RAPGEF6: variants seen among roughly 807,000 people sequenced by gnomAD.
The protein encoded by RAPGEF6 is Rap guanine nucleotide exchange factor 6.
RAPGEF6 carries 56 observed loss-of-function variants against 171.4 expected under a neutral mutation model. The observed-to-expected ratio is 0.33, with a 90% CI of 0.26 to 0.41. The LOEUF is 0.41. Among genes scored for constraint, RAPGEF6 ranks in the 10% least tolerant of loss-of-function variants. The pLI is 1.00. For synonymous variants in RAPGEF6, 692 were observed against 650.1 expected (o/e 1.06, Z -0.98); for missense variants, 1,674 against 1,921.4 (o/e 0.87, Z 2.41).
intron 6 of RAPGEF6, among the ~76,000 whole-genome samples, chr5:131,540,970 G>C (rs1439210117): frequency 2.0e-5 from 3 of 152,192 alleles, no homozygotes; most frequent in Admixed American, 6.5e-5. Context: ...GACAGTGCAA[G>C]ACTCCGTCTC....
At chr5:131,535,226 C>G (rs1561543555) in intron 6 of RAPGEF6, among the ~76,000 whole-genome samples, 1 of 152,064 alleles carries the variant, frequency 6.6e-6, no homozygotes, top group Non-Finnish European at 1.5e-5. Context: ...GCTAAATCTC[C>G]CTGTGTAACA....
At chr5:131,608,543 G>A (rs1764743150) in intron 1 of RAPGEF6, among the ~76,000 whole-genome samples, 1 of 152,198 alleles carries the variant, frequency 6.6e-6, no homozygotes, top group South Asian at 2.1e-4. Context: ...CATGCCAAAG[G>A]ATAGCAGCTG....
At position 131,491,715 on chromosome 5, in the gene RAPGEF6, C is replaced by G. The variant is rs76059330; in HGVS notation, c.1731+867G>C. On this transcript the variant is annotated intron_variant, in intron 14 of 27. Coordinates refer to ENST00000509018, the MANE Select transcript of RAPGEF6 (RefSeq NM_016340.6). ...CTGCAAATGCAAGGGATCTAGGGCA[C>G]TCCTTATGAAAATTTAATGTCTGAA... is the stretch of plus-strand genomic sequence containing the variant. Among the ~76,000 whole-genome samples the G allele has an allele frequency of 1.1e-3, 165 of 152,224 alleles. No individual in the cohort carries two copies. The East Asian group carries it at 0.017, about 16-fold the overall frequency.
At chr5:131,454,162 T>C (rs750192453) in intron 20 of RAPGEF6, among the ~76,000 whole-genome samples, 4 of 152,220 alleles carry the variant, frequency 2.6e-5, no homozygotes, top group Non-Finnish European at 5.9e-5. Context: ...AAACCTCCAA[T>C]GCTTGGTTGA....
In RAPGEF6 at chr5:131,492,573, T is replaced by C; in HGVS notation, c.1731+9A>G. The stretch of plus-strand genomic sequence containing the variant: ...AGGCTTGAATATAAGTGGTTGGTTA[T>C]TTCCTTACCTGATCACCACGTTTCA... On this transcript the variant is annotated intron_variant, in intron 14 of 27. Transcript: ENST00000509018. The C allele has an allele frequency of 6.2e-7, 1 of 1,613,840 alleles. No individual in the cohort carries two copies. The highest frequency in any genetic ancestry group is 8.5e-7 in the Non-Finnish European group (1 of 1,179,704).
At chr5:131,469,785 T>A (rs1754619730) in intron 17 of RAPGEF6, 1 of 1,495,922 alleles carries the variant, frequency 6.7e-7, no homozygotes, top group East Asian at 2.5e-5. Context: ...AATACTACAG[T>A]CTTTAAGATA....
intron 24 of RAPGEF6, among the ~76,000 whole-genome samples, chr5:131,438,149 T>G (rs1004978315): frequency 1.3e-5 from 2 of 149,290 alleles, no homozygotes; most frequent in South Asian, 4.3e-4. Context: ...CCACTACCCC[T>G]GGCTAATTTT....
At chr5:131,444,310 T>G (rs865950187) in intron 22 of RAPGEF6, among the ~76,000 whole-genome samples, 1 of 152,212 alleles carries the variant, frequency 6.6e-6, no homozygotes, top group Admixed American at 6.5e-5. Flanking sequence ...GAGGTTATCA[T>G]CTTTGGTTAG....
chr5:131,464,479 A>G (rs919304081), intron 17 of RAPGEF6, 198 bp from the exon 18 acceptor site: 1 of 513,444 alleles, frequency 1.9e-6, no homozygotes, highest in African/African-American at 1.9e-5. Context: ...CATTGATAGA[A>G]AAACCCAAAA....
At chr5:131,620,717 A>G (rs1222612010) in intron 1 of RAPGEF6, among the ~76,000 whole-genome samples, 1 of 152,054 alleles carries the variant, frequency 6.6e-6, no homozygotes, top group Non-Finnish European at 1.5e-5. Context: ...CAGCCTCCCA[A>G]GCAGCTGGGA....
intron 4 of RAPGEF6, among the ~76,000 whole-genome samples, chr5:131,591,288 G>A (rs903505094): frequency 6.6e-6 from 1 of 152,116 alleles, no homozygotes; most frequent in Non-Finnish European, 1.5e-5. Flanking sequence ...TAAAGCATAC[G>A]TTGAGGCCCT....
At chr5:131,527,963 C>G (rs1026795503) in intron 6 of RAPGEF6, among the ~76,000 whole-genome samples, 1 of 147,840 alleles carries the variant, frequency 6.8e-6, no homozygotes, top group Non-Finnish European at 1.5e-5. Context: ...TGCAGTGAGC[C>G]GAAACTGCGC....
chr5:131,458,717 G>C (rs1753697701), intron 19 of RAPGEF6, among the ~76,000 whole-genome samples: 1 of 152,178 alleles, frequency 6.6e-6, no homozygotes, highest in Admixed American at 6.5e-5. Context: ...GCAGTGGCAT[G>C]ATCTTGGCTT....
chr5:131,580,377 G>A (rs553289989), intron 4 of RAPGEF6, among the ~76,000 whole-genome samples: 11 of 152,100 alleles, frequency 7.2e-5, no homozygotes, highest in African/African-American at 1.9e-4. Flanking sequence ...CTGGCCGCAC[G>A]AGCGCTGAGC....
At chr5:131,526,569 T>C (rs894251171) in intron 6 of RAPGEF6, among the ~76,000 whole-genome samples, 1 of 152,134 alleles carries the variant, frequency 6.6e-6, no homozygotes, top group African/African-American at 2.4e-5. Context: ...TTGTATCAAA[T>C]GAAGCAAAAA....
chr5:131,461,429 T>C (rs1180387091), intron 19 of RAPGEF6, among the ~76,000 whole-genome samples: 1 of 151,926 alleles, frequency 6.6e-6, no homozygotes, highest in Non-Finnish European at 1.5e-5. Context: ...ATATAATCAC[T>C]CAAGGCGGGG....
At chr5:131,608,610 A>G (rs1465626286) in intron 1 of RAPGEF6, among the ~76,000 whole-genome samples, 3 of 152,154 alleles carry the variant, frequency 2.0e-5, no homozygotes, top group Middle Eastern at 3.2e-3. Context: ...TTGATCCCCA[A>G]TGTAGCAGTG....
intron 20 of RAPGEF6, among the ~76,000 whole-genome samples, chr5:131,454,392 C>T (rs1472967159): frequency 6.6e-6 from 1 of 152,022 alleles, no homozygotes; most frequent in Admixed American, 6.6e-5. Context: ...TAACCAGGCA[C>T]ATCAGGAGAA....
intron 4 of RAPGEF6, among the ~76,000 whole-genome samples, chr5:131,562,735 G>A (rs1467025379): frequency 6.6e-6 from 1 of 152,100 alleles, no homozygotes; most frequent in African/African-American, 2.4e-5. Flanking sequence ...ATAATGACAA[G>A]TAAAACAAGT....
Sources: gnomAD v4.1 joint callset for allele counts (sites outside exome capture counted in the v4.1 genomes callset) on GRCh38, gnomAD v4.1.1 for gene constraint, MANE v1.5 for transcripts, NCBI Gene and HGNC (gene_info 2026-07-23, HGNC 2026-07-21) for gene names.